KITLG: variants seen among roughly 807,000 people sequenced by gnomAD.
KITLG encodes the protein KIT ligand, also known as c-Kit ligand.
KITLG carries 13 observed loss-of-function variants against 34.1 expected under a neutral mutation model. That is an observed-to-expected ratio of 0.38 (90% CI 0.25 to 0.61). KITLG has a LOEUF of 0.61. KITLG is among the 20% of genes least tolerant of loss of function. The probability of loss-of-function intolerance (pLI) is 0.60; values close to 1 mark genes in which losing one functional copy is unlikely to be tolerated. For missense variants in KITLG, 292 were observed against 318.9 expected (o/e 0.92, Z 0.64); for synonymous variants, 110 against 104.0 (o/e 1.06, Z -0.35).
chr12:88,564,709 G>A (rs1871391171), intron 1 of KITLG, among the ~76,000 whole-genome samples: 1 of 148,544 alleles, frequency 6.7e-6, no homozygotes, highest in African/African-American at 2.4e-5. Flanking sequence ...TAACTTTTCA[G>A]ATCTACACCC....
chr12:88,559,368 C>A (rs987751232), intron 1 of KITLG, among the ~76,000 whole-genome samples: 3 of 152,162 alleles, frequency 2.0e-5, no homozygotes, highest in African/African-American at 7.2e-5. Flanking sequence ...GGCAGCAAGA[C>A]CCTCCAGTCA....
chr12:88,504,930 T>C (rs544351100), intron 9 of KITLG, among the ~76,000 whole-genome samples: 1 of 130,560 alleles, frequency 7.7e-6, no homozygotes, highest in Non-Finnish European at 1.5e-5. Context: ...TGAGAACACT[T>C]GGACACAGGG....
At position 88,500,747 on chromosome 12, in the gene KITLG, C is replaced by T. The variant is rs541335648; in HGVS notation, c.*38-3566G>A. Among the ~76,000 whole-genome samples, 26 of 152,244 alleles carry T rather than the reference C, an allele frequency of 1.7e-4. No homozygotes were observed. The East Asian group carries it at 2.7e-3, about 16-fold the overall frequency. ...TTAACTTTTCACATAGCTGTTCTCACGCATGGTGTCAAATAAACACACTTC... is the reference window on the plus strand; with the variant it reads ...TTAACTTTTCACATAGCTGTTCTCATGCATGGTGTCAAATAAACACACTTC... On this transcript the variant is annotated intron_variant, in intron 9 of 9. Transcript: ENST00000644744.
chr12:88,524,877 T>C (rs1657583228), intron 3 of KITLG, among the ~76,000 whole-genome samples: 1 of 152,170 alleles, frequency 6.6e-6, no homozygotes, highest in Non-Finnish European at 1.5e-5. Flanking sequence ...TGACTACAAG[T>C]GTCTATTTGG....
At chr12:88,537,504 A>C (rs1283274761) in intron 2 of KITLG, among the ~76,000 whole-genome samples, 1 of 152,086 alleles carries the variant, frequency 6.6e-6, no homozygotes, top group Non-Finnish European at 1.5e-5. Context: ...AGGGTTAAAA[A>C]AACTACCTAT....
intron 3 of KITLG, among the ~76,000 whole-genome samples, chr12:88,529,605 C>T (rs1245100159): frequency 2.0e-5 from 3 of 152,190 alleles, no homozygotes; most frequent in African/African-American, 4.8e-5. Context: ...GAGCTTTCTT[C>T]TGCCCAGTGC....
At chr12:88,515,142 G>A (rs906395252) in intron 6 of KITLG, among the ~76,000 whole-genome samples, 5 of 151,528 alleles carry the variant, frequency 3.3e-5, no homozygotes, top group South Asian at 4.1e-4. Flanking sequence ...TTAAACTTCC[G>A]TTTTTGTCAG....
intron 3 of KITLG, among the ~76,000 whole-genome samples, chr12:88,525,917 CT>C (rs1476474310): frequency 6.6e-6 from 1 of 152,154 alleles, no homozygotes; most frequent in Non-Finnish European, 1.5e-5. Flanking sequence ...AAATCTTAAA[CT>C]GACCTTGGAG....
chr12:88,534,749 T>C (rs751515439), intron 2 of KITLG: 3 of 491,816 alleles, frequency 6.1e-6, no homozygotes, highest in South Asian at 3.0e-5. Context: ...AACTCCCTTA[T>C]TCTTTACACT....
intron 9 of KITLG, 46 bp downstream of exon 9, chr12:88,505,113 G>C (rs1869007521): frequency 2.0e-6 from 2 of 992,366 alleles, no homozygotes; most frequent in Middle Eastern, 5.0e-4. Context: ...AGAACTTAAA[G>C]TATAATAAAA....
chr12:88,524,607 T>C (rs1261696209), intron 3 of KITLG, among the ~76,000 whole-genome samples: 1 of 152,094 alleles, frequency 6.6e-6, no homozygotes, highest in Non-Finnish European at 1.5e-5. Context: ...TTTTTTTTAG[T>C]GTTGCTACCA....
chr12:88,540,501 T>TA, intron 2 of KITLG, among the ~76,000 whole-genome samples: 1 of 152,172 alleles, frequency 6.6e-6, no homozygotes, highest in East Asian at 1.9e-4. Context: ...ACTATTGTTC[T>TA]AAAAAACCAA....
intron 3 of KITLG, among the ~76,000 whole-genome samples, chr12:88,522,926 G>C (rs1007421558): frequency 1.3e-5 from 2 of 152,156 alleles, no homozygotes; most frequent in Non-Finnish European, 2.9e-5. Context: ...TCTTTTCACA[G>C]GAGTTGGTGA....
intron 1 of KITLG, among the ~76,000 whole-genome samples, chr12:88,555,794 C>T (rs1871078023): frequency 6.6e-6 from 1 of 152,138 alleles, no homozygotes; most frequent in Non-Finnish European, 1.5e-5. Flanking sequence ...GTAACATTAT[C>T]CCAGGGGCCA....
chr12:88,497,323 T>A, intron 9 of KITLG, 142 bp from the exon 10 acceptor site: 1 of 224,516 alleles, frequency 4.5e-6, no homozygotes, highest in Non-Finnish European at 9.3e-6. Context: ...AGAAAAGAAC[T>A]TCATAAATAT....
intron 1 of KITLG, among the ~76,000 whole-genome samples, chr12:88,555,471 CT>C (rs1202273489): frequency 2.0e-5 from 3 of 152,108 alleles, no homozygotes; most frequent in African/African-American, 7.2e-5. Context: ...ACTATCTATG[CT>C]GGAAAGAAAA....
At chr12:88,513,512 G>A (rs975891378) in intron 6 of KITLG, among the ~76,000 whole-genome samples, 5 of 151,698 alleles carry the variant, frequency 3.3e-5, no homozygotes, top group Admixed American at 2.6e-4. Flanking sequence ...AAGCCCAAGT[G>A]TATGTTGTCT....
At position 88,537,421 on chromosome 12, in the gene KITLG, A is replaced by T. The variant is rs138820113; in HGVS notation, c.130-4918T>A. 4.8e-3 allele frequency among the ~76,000 whole-genome samples: 725 copies of T among 152,202 alleles called. 7 individuals are homozygous for T. The highest frequency in any genetic ancestry group is 0.017 in the African/African-American group (705 of 41,540). On this transcript the variant is annotated intron_variant, in intron 2 of 9. Transcript: ENST00000644744. ...TGTTCTCACTTACAAGTGGGGACTA[A>T]ACACTGCATACTCATGGAAATAAAG...
At chr12:88,506,491 T>A (rs1869066505) in intron 7 of KITLG, 113 bp from the exon 8 acceptor site, 1 of 789,444 alleles carries the variant, frequency 1.3e-6, no homozygotes, top group Non-Finnish European at 2.3e-6. Flanking sequence ...ATAACAGTTT[T>A]TTCAGCATGT....
Sources: gnomAD v4.1 joint callset for allele counts (sites outside exome capture counted in the v4.1 genomes callset) on GRCh38, gnomAD v4.1.1 for gene constraint, MANE v1.5 for transcripts, NCBI Gene and HGNC (gene_info 2026-07-23, HGNC 2026-07-21) for gene names.